Variants in UFD1 observed in about 807,000 individuals in gnomAD.
UFD1 encodes ubiquitin recognition factor in ER-associated degradation protein 1.
In UFD1, 13 loss-of-function variants were observed where a neutral mutation model predicts 45.9. That is an observed-to-expected ratio of 0.28 (90% CI 0.18 to 0.45). The LOEUF is 0.45. UFD1 is among the 20% of genes least tolerant of loss of function. The pLI, the probability that UFD1 is intolerant of heterozygous loss-of-function variation, is 1.00. For synonymous variants in UFD1, 128 were observed against 139.2 expected, an observed-to-expected ratio of 0.92 and a Z score of 0.56; for missense variants, 218 against 389.2, an observed-to-expected ratio of 0.56 and a Z score of 3.70.
chr22:19,459,108 G>A (rs1224937057), intron 6 of UFD1, among the ~76,000 whole-genome samples: 3 of 152,214 alleles, frequency 2.0e-5, no homozygotes, highest in Non-Finnish European at 4.4e-5. Flanking sequence ...TGTGTATCAT[G>A]TTTGCATCAT....
At chr22:19,476,003 C>T (rs2089878474) in intron 1 of UFD1, among the ~76,000 whole-genome samples, 1 of 152,164 alleles carries the variant, frequency 6.6e-6, no homozygotes, top group African/African-American at 2.4e-5. Flanking sequence ...AAGGGAAGCA[C>T]CACTCCAGTG....
chr22:19,453,830 G>A, intron 11 of UFD1: 1 of 985,542 alleles, frequency 1.0e-6, no homozygotes, highest in Non-Finnish European at 1.2e-6. Context: ...TCCTGAATGG[G>A]TGGCTCAGTA....
At chr22:19,460,146 T>C (rs955162672) in intron 6 of UFD1, among the ~76,000 whole-genome samples, 1 of 152,082 alleles carries the variant, frequency 6.6e-6, no homozygotes, top group Non-Finnish European at 1.5e-5. Flanking sequence ...AATTATTGAA[T>C]AGATAAGGAA....
intron 1 of UFD1, chr22:19,478,652 C>CGGAGCTGGGGCA (rs1299977438): frequency 8.1e-6 from 2 of 246,348 alleles, no homozygotes; most frequent in African/African-American, 4.7e-5. Flanking sequence ...ACGGAGCTCA[C>CGGAGCTGGGGCA]GGAGCTGGGG....
At position 19,453,317 on chromosome 22, in the gene UFD1, C is replaced by G. The variant is rs1341626492; in HGVS notation, c.849+1432G>C. 50 of 985,440 alleles carry G rather than the reference C, an allele frequency of 5.1e-5. No individual in the cohort carries two copies. The Admixed American group carries it at 3.1e-3, about 61-fold the overall frequency. The allele number at this position is 985,440 out of a possible 1,614,324, so 61.0% of individuals were successfully genotyped here. On this transcript the variant is annotated intron_variant, in intron 11 of 11. Coordinates refer to ENST00000263202, the MANE Select transcript of UFD1 (RefSeq NM_005659.7). ...TTGTAGTTGCCTCCTCTTCCACTGT[C>G]TTTCTTACCTCATGACCTTTAGCCA... is the stretch of plus-strand genomic sequence containing the variant.
chr22:19,456,752 A>AT (rs774086116), intron 8 of UFD1, 101 bp downstream of exon 8: 1 of 1,613,500 alleles, frequency 6.2e-7, no homozygotes, highest in Non-Finnish European at 8.5e-7. Flanking sequence ...CGCAGAGGAT[A>AT]TGACTACACC....
At chr22:19,455,646 C>T in intron 10 of UFD1, 34 bp downstream of exon 10, 1 of 1,604,950 alleles carries the variant, frequency 6.2e-7, no homozygotes, top group Non-Finnish European at 8.5e-7. Context: ...ACAGATCCTC[C>T]TCCTGTCCTG....
chr22:19,455,868 G>A (rs1008521793), intron 9 of UFD1, 100 bp from the exon 10 acceptor site: 4 of 1,115,508 alleles, frequency 3.6e-6, no homozygotes, highest in Admixed American at 1.8e-5. Context: ...GGGGTGCTGT[G>A]CAGACCCCTT....
At chr22:19,461,606 C>T (rs1476537379) in intron 6 of UFD1, among the ~76,000 whole-genome samples, 3 of 152,098 alleles carry the variant, frequency 2.0e-5, no homozygotes, top group African/African-American at 7.2e-5. Flanking sequence ...TTCTCCTATC[C>T]TTGTGTGGTT....
chr22:19,462,120 CT>C (rs1479663228), intron 6 of UFD1, among the ~76,000 whole-genome samples: 63 of 152,242 alleles, frequency 4.1e-4, no homozygotes, highest in African/African-American at 1.5e-3. Flanking sequence ...CCACTTCAGC[CT>C]CCCAGGTAGC....
chr22:19,470,112 G>T (rs1313268784), intron 4 of UFD1: 1 of 473,446 alleles, frequency 2.1e-6, no homozygotes, highest in Non-Finnish European at 4.2e-6. Context: ...GCCCTTGGGG[G>T]CACCTGCAGA....
chr22:19,479,037 C>T lies in UFD1; in HGVS notation c.3+46G>A, dbSNP rs758521974. 5 of 1,586,732 alleles carry T rather than the reference C, an allele frequency of 3.2e-6. No homozygotes were observed. In the East Asian group the frequency reaches 9.1e-5, roughly 29 times the overall value. On this transcript the variant is annotated intron_variant, in intron 1 of 11. Coordinates refer to ENST00000263202, the MANE Select transcript of UFD1 (RefSeq NM_005659.7). ...CTGCCCCGCCGGGCCCTACCTCAGG[C>T]CCCGGGCCAAGGCCCAGCCCCCGCC... is the stretch of plus-strand genomic sequence containing the variant.
At chr22:19,460,390 C>T (rs1038800597) in intron 6 of UFD1, among the ~76,000 whole-genome samples, 3 of 152,226 alleles carry the variant, frequency 2.0e-5, no homozygotes, top group Non-Finnish European at 4.4e-5. Context: ...AATTGGAAGA[C>T]AGTACCCTAG....
chr22:19,450,848 A>G (rs943658670), intron 11 of UFD1, 104 bp from the exon 12 acceptor site: 34 of 1,585,432 alleles, frequency 2.1e-5, no homozygotes, highest in Non-Finnish European at 2.8e-5. Context: ...CATAAGAAAT[A>G]TCTCAGGCTG....
chr22:19,473,736 TGCACA>T (rs2089862187), intron 3 of UFD1, among the ~76,000 whole-genome samples: 1 of 152,202 alleles, frequency 6.6e-6, no homozygotes, highest in Non-Finnish European at 1.5e-5. Context: ...GTACTTCTGA[TGCACA>T]GACACTGTAG....
Position 19,456,868 on chromosome 22 carries a change from C to A in UFD1, c.615G>T (p.Gln205His), listed in dbSNP as rs951656887. 5 of 1,613,140 alleles carry A rather than the reference C, an allele frequency of 3.1e-6. No individual in the cohort carries two copies. The highest frequency in any genetic ancestry group is 4.2e-6 in the Non-Finnish European group (5 of 1,179,564). Residue 205 changes from glutamine (Q) to histidine (H), a missense_variant, in exon 8 of 12, where the codon CAG (glutamine) becomes CAT (histidine). By Grantham distance (24) the Gln-to-His change is conservative. This residue lies in a region of UFD1 where 149 missense variants were observed against 307.5 expected (regional missense o/e 0.48). Coordinates refer to ENST00000263202, the MANE Select transcript of UFD1 (RefSeq NM_005659.7). Reference sequence around the variant, plus strand: ...TAACACTTACTGTCGACTCCTCATGCTGGACTTGTCTTTCGGGTTCTTTGT... The same window carrying A: ...TAACACTTACTGTCGACTCCTCATGATGGACTTGTCTTTCGGGTTCTTTGT... Reference protein sequence around the residue: ...LGYKEPERQVQHEESTEGEAD... With the variant: ...LGYKEPERQVHHEESTEGEAD...
chr22:19,454,574 TGTAA>T (rs1425270537), intron 11 of UFD1, 171 bp downstream of exon 11: 3 of 1,367,078 alleles, frequency 2.2e-6, no homozygotes, highest in Non-Finnish European at 2.9e-6. Context: ...CCATGTGAAC[TGTAA>T]GTCCATTAAA....
In UFD1 at chr22:19,455,906, G is replaced by A; in HGVS notation, c.679-138C>T. Reference sequence around the variant, plus strand: ...GGACTGAAGCCCTGACTCCTCAACTGCTGGGGTGCTGGCAGCTAAGAACTC... The same window carrying A: ...GGACTGAAGCCCTGACTCCTCAACTACTGGGGTGCTGGCAGCTAAGAACTC... On this transcript the variant is annotated intron_variant, in intron 9 of 11. Transcript: ENST00000263202. 4.1e-6 allele frequency: 3 copies of A among 737,552 alleles called. No individual in the cohort carries two copies. In the Admixed American group the frequency reaches 6.9e-5, roughly 17 times the overall value. 45.7% of individuals were successfully genotyped at this position (737,552 alleles called of 1,614,324 possible). A position where few individuals can be genotyped will look rare whatever the true frequency, so the allele number is the denominator to read the frequency against.
intron 1 of UFD1, among the ~76,000 whole-genome samples, chr22:19,478,063 T>A (rs2089902333): frequency 6.6e-6 from 1 of 152,180 alleles, no homozygotes; most frequent in Non-Finnish European, 1.5e-5. Context: ...GTAAGCCATT[T>A]CTTCTCTTTG....
Sources: allele counts gnomAD v4.1 joint callset (sites outside exome capture counted in the v4.1 genomes callset), GRCh38; gene constraint gnomAD v4.1.1; regional missense constraint gnomAD v4.1.1; transcripts MANE v1.5; gene names NCBI Gene and HGNC (gene_info 2026-07-23, HGNC 2026-07-21).